Variants in SOX5 observed in about 807,000 individuals in gnomAD.
The protein encoded by SOX5 is transcription factor SOX-5.
Under a neutral mutation model 92.0 loss-of-function variants are expected in SOX5, and 9 were observed. That is an observed-to-expected ratio of 0.10 (90% confidence interval 0.06 to 0.17). The LOEUF (loss-of-function observed/expected upper bound fraction) is 0.17, where lower values mean the gene tolerates loss of function less well. Ranked by LOEUF, SOX5 falls within the 10% of genes least tolerant of loss-of-function variation. The probability of loss-of-function intolerance (pLI) is 1.00; values close to 1 mark genes in which losing one functional copy is unlikely to be tolerated. For missense variants in SOX5, 642 were observed against 944.5 expected, an observed-to-expected ratio of 0.68 and a Z score of 4.20; for synonymous variants, 344 against 336.3, an observed-to-expected ratio of 1.02 and a Z score of -0.25.
intron 1 of SOX5, among the ~76,000 whole-genome samples, chr12:24,544,346 T>C (rs1952417922): frequency 6.6e-6 from 1 of 152,212 alleles, no homozygotes; most frequent in African/African-American, 2.4e-5. Flanking sequence ...GTTTTTCTAT[T>C]GCTGAGATGA....
chr12:23,590,319 T>C (rs1219066653), intron 9 of SOX5, among the ~76,000 whole-genome samples: 2 of 152,014 alleles, frequency 1.3e-5, no homozygotes, highest in Non-Finnish European at 2.9e-5. Flanking sequence ...ACTTCATTTT[T>C]TACACACTTG....
chr12:23,794,531 A>C (rs1421431348), intron 3 of SOX5, among the ~76,000 whole-genome samples: 1 of 152,176 alleles, frequency 6.6e-6, no homozygotes, highest in Admixed American at 6.6e-5. Context: ...GGTTAGAGGT[A>C]GAGCCTTACT....
At chr12:23,695,576 T>A (rs1301234765) in intron 6 of SOX5, among the ~76,000 whole-genome samples, 1 of 152,110 alleles carries the variant, frequency 6.6e-6, no homozygotes, top group African/African-American at 2.4e-5. Flanking sequence ...GAATTTGTAG[T>A]AGAAAATTAT....
chr12:23,856,867 C>A (rs928329778), intron 2 of SOX5, among the ~76,000 whole-genome samples: 1 of 152,078 alleles, frequency 6.6e-6, no homozygotes, highest in African/African-American at 2.4e-5. Context: ...TAGTACTAAT[C>A]ACACTCTTTT....
intron 1 of SOX5, among the ~76,000 whole-genome samples, chr12:24,371,283 T>G (rs1012685370): frequency 3.9e-5 from 6 of 152,196 alleles, no homozygotes; most frequent in South Asian, 2.1e-4. Context: ...ACTTCAGTCC[T>G]AAAAATACAA....
chr12:23,590,340 T>A (rs1412748990), intron 9 of SOX5, among the ~76,000 whole-genome samples: 2 of 152,006 alleles, frequency 1.3e-5, no homozygotes, highest in Non-Finnish European at 2.9e-5. Flanking sequence ...TATCTTTATA[T>A]TTTCATTCTT....
chr12:23,608,982 CTG>C (rs1429083127), intron 8 of SOX5, among the ~76,000 whole-genome samples: 1 of 152,074 alleles, frequency 6.6e-6, no homozygotes, highest in African/African-American at 2.4e-5. Flanking sequence ...TATACTGTAA[CTG>C]TATGTCACTG....
intron 2 of SOX5, among the ~76,000 whole-genome samples, chr12:23,856,825 G>C (rs2096696693): frequency 6.6e-6 from 1 of 152,050 alleles, no homozygotes; most frequent in Non-Finnish European, 1.5e-5. Context: ...GAGAATGCTA[G>C]AAATCAAAGA....
At chr12:24,555,656 C>T (rs1953700989) in intron 1 of SOX5, among the ~76,000 whole-genome samples, 1 of 152,128 alleles carries the variant, frequency 6.6e-6, no homozygotes, top group South Asian at 2.1e-4. Flanking sequence ...ACTGCCATTA[C>T]ACTCATTTTG....
At chr12:24,199,136 G>A (rs919415454) in intron 4 of SOX5, among the ~76,000 whole-genome samples, 33 of 152,164 alleles carry the variant, frequency 2.2e-4, no homozygotes, top group African/African-American at 7.5e-4. Flanking sequence ...ATGCAGACAT[G>A]AGCCAAAGCA....
At chr12:24,467,144 T>C (rs1944317269) in intron 1 of SOX5, among the ~76,000 whole-genome samples, 1 of 152,206 alleles carries the variant, frequency 6.6e-6, no homozygotes, top group Non-Finnish European at 1.5e-5. Context: ...GTAAATCATA[T>C]CCTAACCTGA....
chr12:24,498,981 C>A (rs1398344612), intron 1 of SOX5, among the ~76,000 whole-genome samples: 1 of 152,184 alleles, frequency 6.6e-6, no homozygotes, highest in Non-Finnish European at 1.5e-5. Context: ...TCCTTCTTTG[C>A]ATTCAAGTGA....
intron 2 of SOX5, among the ~76,000 whole-genome samples, chr12:24,283,770 T>C (rs909323757): frequency 6.6e-6 from 1 of 152,236 alleles, no homozygotes; most frequent in African/African-American, 2.4e-5. Context: ...GGGTATGTTT[T>C]TTCTTATTAT....
intron 1 of SOX5, among the ~76,000 whole-genome samples, chr12:24,554,436 T>G (rs905411084): frequency 6.6e-6 from 1 of 152,166 alleles, no homozygotes; most frequent in African/African-American, 2.4e-5. Context: ...CCGTGCTCAC[T>G]CTTCAGGAAA....
intron 4 of SOX5, among the ~76,000 whole-genome samples, chr12:23,751,170 T>A (rs2094169384): frequency 6.6e-6 from 1 of 151,854 alleles, no homozygotes; most frequent in South Asian, 2.1e-4. Flanking sequence ...GTACCTTCCT[T>A]GTGGCTGACT....
At chr12:23,581,879 A>T (rs1950083525) in intron 9 of SOX5, among the ~76,000 whole-genome samples, 1 of 150,564 alleles carries the variant, frequency 6.6e-6, no homozygotes, top group East Asian at 1.9e-4. Context: ...CAACAGCCAC[A>T]CAATGATTGA....
chr12:23,842,773 A>G (rs959844766), intron 3 of SOX5, among the ~76,000 whole-genome samples: 1 of 152,242 alleles, frequency 6.6e-6, no homozygotes, highest in African/African-American at 2.4e-5. Context: ...ATTGAATGAA[A>G]CAATAAATGG....
At chr12:24,240,233 G>A (rs1482913932) in intron 3 of SOX5, among the ~76,000 whole-genome samples, 1 of 152,162 alleles carries the variant, frequency 6.6e-6, no homozygotes, top group Non-Finnish European at 1.5e-5. Flanking sequence ...CCAGATTACA[G>A]TTATTTAATG....
intron 4 of SOX5, among the ~76,000 whole-genome samples, chr12:24,002,970 T>C (rs59745584): frequency 0.22 from 34,177 of 152,028 alleles, 4,218 homozygotes; most frequent in Middle Eastern, 0.34. Flanking sequence ...GAAAGAGTTA[T>C]AAGTGGAATT....
Sources: allele counts gnomAD v4.1 joint callset (sites outside exome capture counted in the v4.1 genomes callset), GRCh38; gene constraint gnomAD v4.1.1; transcripts MANE v1.5; gene names NCBI Gene and HGNC (gene_info 2026-07-23, HGNC 2026-07-21).